GASK1A: variants seen among roughly 807,000 people sequenced by gnomAD.
GASK1A encodes Golgi-associated kinase 1A.
Under a neutral mutation model 41.2 loss-of-function variants are expected in GASK1A, and 40 were observed. The ratio of observed to expected loss-of-function variants is 0.97; its 90% CI spans 0.75 to 1.27. The LOEUF is 1.27. GASK1A is among the 50% of genes most tolerant of loss of function. The probability of loss-of-function intolerance (pLI) is 0.00; values close to 1 mark genes in which losing one functional copy is unlikely to be tolerated. For missense variants in GASK1A, 678 were observed against 745.1 expected (o/e 0.91, Z 1.05); for synonymous variants, 316 against 307.1 (o/e 1.03, Z -0.30).
At chr3:43,025,408 G>T (rs2089542120) in intron 1 of GASK1A, among the ~76,000 whole-genome samples, 1 of 152,226 alleles carries the variant, frequency 6.6e-6, no homozygotes, top group African/African-American at 2.4e-5. Context: ...AGAAGGATGG[G>T]AATCCATAGG....
rs779846844 is a variant in GASK1A, at chr3:43,033,067, G to C, written c.804G>C (p.Met268Ile). ...GGCTGACAGACCACGATGTGCAGATGCTCCGTCTGTTGGCACAGGGGGAGG... is the reference window on the plus strand; with the variant it reads ...GGCTGACAGACCACGATGTGCAGATCCTCCGTCTGTTGGCACAGGGGGAGG... ...PPWLTDHDVQMLRLLAQGEVV... is the reference protein window; with the variant it reads ...PPWLTDHDVQILRLLAQGEVV... Residue 268 changes from methionine to isoleucine, a missense_variant, in exon 2 of 5, where the codon ATG becomes ATC. Met to Ile is a conservative substitution (Grantham distance 10, BLOSUM62 1). Transcript: ENST00000430121. 1.2e-5 allele frequency: 18 copies of C among 1,551,716 alleles called. No individual in the cohort carries two copies. The highest frequency in any genetic ancestry group is 1.5e-5 in the Non-Finnish European group (17 of 1,146,998).
chr3:43,055,816 A>G, intron 4 of GASK1A: 1 of 480,016 alleles, frequency 2.1e-6, no homozygotes, highest in Non-Finnish European at 3.8e-6. Context: ...TGGGTGAGAG[A>G]GCTAGGCCAG....
At chr3:43,006,174 A>G (rs2089435136) in intron 1 of GASK1A, among the ~76,000 whole-genome samples, 1 of 152,056 alleles carries the variant, frequency 6.6e-6, no homozygotes, top group Non-Finnish European at 1.5e-5. Context: ...CCCTGCCCAG[A>G]GCCTTTTGAC....
chr3:43,041,878 C>T (rs535298800), intron 2 of GASK1A, among the ~76,000 whole-genome samples: 203 of 152,082 alleles, frequency 1.3e-3, no homozygotes, highest in Non-Finnish European at 2.5e-3. Flanking sequence ...TTTTTCAGGC[C>T]AGGTGCAGGG....
chr3:42,989,989 C>G (rs542689899), intron 1 of GASK1A, among the ~76,000 whole-genome samples: 1 of 152,222 alleles, frequency 6.6e-6, no homozygotes, highest in African/African-American at 2.4e-5. Context: ...GCGTTAGACT[C>G]ACAGCATAGA....
At chr3:43,019,420 G>A (rs575090270) in intron 1 of GASK1A, among the ~76,000 whole-genome samples, 2 of 152,312 alleles carry the variant, frequency 1.3e-5, no homozygotes, top group South Asian at 4.1e-4. Flanking sequence ...GTTCAGCTCT[G>A]CCTGCCTGGG....
At chr3:43,048,839 G>C (rs2089675744) in intron 2 of GASK1A, among the ~76,000 whole-genome samples, 1 of 152,170 alleles carries the variant, frequency 6.6e-6, no homozygotes, top group African/African-American at 2.4e-5. Context: ...AGCATCAAAA[G>C]CATCTACCAT....
chr3:43,043,687 A>G (rs2089648649), intron 2 of GASK1A, among the ~76,000 whole-genome samples: 1 of 152,230 alleles, frequency 6.6e-6, no homozygotes, highest in African/African-American at 2.4e-5. Context: ...GGCACAGAGT[A>G]AGGGCATTAC....
chr3:43,037,864 A>T (rs1344998101), intron 2 of GASK1A, among the ~76,000 whole-genome samples: 1 of 152,196 alleles, frequency 6.6e-6, no homozygotes, highest in African/African-American at 2.4e-5. Context: ...TTGATTTTGC[A>T]TTACTGTTTC....
At chr3:43,034,895 C>A (rs1331121603) in intron 2 of GASK1A, among the ~76,000 whole-genome samples, 1 of 152,222 alleles carries the variant, frequency 6.6e-6, no homozygotes, top group East Asian at 1.9e-4. Flanking sequence ...TATTGTCCGA[C>A]ACTCACCTAC....
chr3:43,022,546 A>G (rs1231298917), intron 1 of GASK1A, among the ~76,000 whole-genome samples: 1 of 151,122 alleles, frequency 6.6e-6, no homozygotes, highest in Non-Finnish European at 1.5e-5. Context: ...TTTCAGTGTT[A>G]GTTTAAAATG....
chr3:42,993,218 A>T (rs1482952835), intron 1 of GASK1A, among the ~76,000 whole-genome samples: 1 of 152,216 alleles, frequency 6.6e-6, no homozygotes, highest in Admixed American at 6.5e-5. Flanking sequence ...ATTTTCACTC[A>T]TCTCTAACTG....
At chr3:43,029,244 T>C (rs989666360) in intron 1 of GASK1A, among the ~76,000 whole-genome samples, 16 of 151,956 alleles carry the variant, frequency 1.1e-4, no homozygotes, top group African/African-American at 3.6e-4. Context: ...GTTATCATGG[T>C]CTCACTGTTC....
At chr3:43,040,352 C>T (rs2089630130) in intron 2 of GASK1A, among the ~76,000 whole-genome samples, 1 of 152,198 alleles carries the variant, frequency 6.6e-6, no homozygotes, top group East Asian at 1.9e-4. Flanking sequence ...TATTTATATG[C>T]CAGAGTCACA....
In GASK1A at chr3:43,011,469, G is replaced by C. The variant is rs72869063; in HGVS notation, c.4-20798G>C. ...TTTTCTGTATGTAAGAACCCACTGT[G>C]TGGGCTGTCATTTACAAGGCAGGGC... is the stretch of plus-strand genomic sequence containing the variant. On this transcript the variant is annotated intron_variant, in intron 1 of 4. Coordinates refer to ENST00000430121, the MANE Select transcript of GASK1A (RefSeq NM_001129908.3). 7.8e-3 allele frequency among the ~76,000 whole-genome samples: 1,182 copies of C among 152,204 alleles called. 20 individuals are homozygous for C. Among genetic ancestry groups the C allele is most frequent in the African/African-American group, 0.027 (1,120 of 41,522 alleles).
chr3:43,026,259 A>G (rs1001172436), intron 1 of GASK1A, among the ~76,000 whole-genome samples: 1 of 152,340 alleles, frequency 6.6e-6, no homozygotes, highest in East Asian at 1.9e-4. Flanking sequence ...CAGCCTGGTC[A>G]TGGGGTAGAT....
At chr3:43,013,554 G>A (rs2089474991) in intron 1 of GASK1A, among the ~76,000 whole-genome samples, 1 of 151,910 alleles carries the variant, frequency 6.6e-6, no homozygotes. Context: ...GCATTGTGAA[G>A]CCACAGGGAG....
chr3:43,028,689 C>T (rs898312490), intron 1 of GASK1A, among the ~76,000 whole-genome samples: 17 of 152,104 alleles, frequency 1.1e-4, no homozygotes, highest in Non-Finnish European at 2.4e-4. Context: ...GGTAAGCAGG[C>T]GAGAGATTCC....
In GASK1A at chr3:43,056,284, G is replaced by A; in HGVS notation, c.1626G>A (p.Gln542=). The A allele has an allele frequency of 6.4e-7, 1 of 1,551,728 alleles. No individual in the cohort carries two copies. Among genetic ancestry groups the A allele is most frequent in the Non-Finnish European group, 8.7e-7 (1 of 1,146,998 alleles). ...TCTGGGAAAGCCAAGGCGGAGCCCA[G>A]GGGCTGAAGCAGGTCCTCCAGACCC... ...PVFWESQGGA[Q]GLKQVLQTLE... is the part of the protein sequence containing the mutation. Residue 542 remains glutamine, a synonymous_variant, in exon 5 of 5, where the codon CAG becomes CAA. Coordinates refer to ENST00000430121, the MANE Select transcript of GASK1A (RefSeq NM_001129908.3).
Sources: allele counts gnomAD v4.1 joint callset (sites outside exome capture counted in the v4.1 genomes callset), GRCh38; gene constraint gnomAD v4.1.1; transcripts MANE v1.5; gene names NCBI Gene and HGNC (gene_info 2026-07-23, HGNC 2026-07-21).